Variants in FUT9 observed in about 807,000 individuals in gnomAD.
FUT9 encodes fucosyltransferase 9.
In FUT9, 15 loss-of-function variants were observed where a neutral mutation model predicts 29.7. The ratio of observed to expected loss-of-function variants is 0.51; its 90% confidence interval spans 0.34 to 0.78. FUT9 has a LOEUF of 0.78. FUT9 is among the 30% of genes least tolerant of loss of function. The pLI is 0.01. For synonymous variants in FUT9, 169 were observed against 153.7 expected (o/e 1.10, Z -0.74); for missense variants, 319 against 425.4 (o/e 0.75, Z 2.20).
Position 96,106,213 on chromosome 6 carries a change from C to CCCTT in FUT9, c.-97-7796_-97-7793dup, listed in dbSNP as rs58462407. The stretch of plus-strand genomic sequence containing the variant: ...AAGATAAATCATCACAATCCATCAA[C>CCCTT]CCTTCCTTCCTTCCTTCCTTCCTTC... On this transcript the variant is annotated intron_variant, in intron 1 of 2. Transcript: ENST00000302103. Among the ~76,000 whole-genome samples the CCCTT allele has an allele frequency of 3.2e-3, 444 of 137,246 alleles. 3 individuals carry two copies. Among genetic ancestry groups the CCCTT allele is most frequent in the African/African-American group, 9.9e-3 (376 of 37,894 alleles). The allele number at this position is 137,246 out of a possible 152,430, so 90.0% of individuals were successfully genotyped here. A position where few individuals can be genotyped will look rare whatever the true frequency, so the allele number is the denominator to read the frequency against.
At chr6:96,066,836 T>G (rs1770969120) in intron 1 of FUT9, among the ~76,000 whole-genome samples, 1 of 152,072 alleles carries the variant, frequency 6.6e-6, no homozygotes. Context: ...AGAGAAACTG[T>G]GTGTGGTATA....
At chr6:96,076,258 G>A (rs1261407009) in intron 1 of FUT9, among the ~76,000 whole-genome samples, 1 of 152,078 alleles carries the variant, frequency 6.6e-6, no homozygotes, top group Non-Finnish European at 1.5e-5. Flanking sequence ...GACTATTTTG[G>A]GCTGGGATAT....
chr6:96,179,493 A>G (rs776918555), intron 2 of FUT9, among the ~76,000 whole-genome samples: 1 of 152,118 alleles, frequency 6.6e-6, no homozygotes, highest in Non-Finnish European at 1.5e-5. Context: ...AAATCTTTCA[A>G]AGGTATTTAT....
At chr6:96,060,086 A>G (rs1214347723) in intron 1 of FUT9, among the ~76,000 whole-genome samples, 1 of 152,164 alleles carries the variant, frequency 6.6e-6, no homozygotes, top group Non-Finnish European at 1.5e-5. Context: ...TTATTTTGTG[A>G]AAGCTACACC....
chr6:96,134,218 A>T (rs758253901), intron 2 of FUT9, among the ~76,000 whole-genome samples: 4 of 151,920 alleles, frequency 2.6e-5, no homozygotes, highest in Admixed American at 1.3e-4. Flanking sequence ...ATTTAGATGT[A>T]TATGTTTCAA....
chr6:96,139,265 C>T (rs1337262418), intron 2 of FUT9, among the ~76,000 whole-genome samples: 1 of 152,126 alleles, frequency 6.6e-6, no homozygotes, highest in Non-Finnish European at 1.5e-5. Context: ...TTCGAAAGAC[C>T]TCCTTTGACT....
At chr6:96,155,474 C>T (rs1367160079) in intron 2 of FUT9, among the ~76,000 whole-genome samples, 1 of 151,954 alleles carries the variant, frequency 6.6e-6, no homozygotes, top group African/African-American at 2.4e-5. Context: ...GAGATCGAGA[C>T]TATCCTGGCT....
rs375939430 is a variant in FUT9, at chr6:96,206,767, GT to G, written c.*2540del. The G allele has an allele frequency of 3.0e-5, 5 of 166,532 alleles. No homozygotes were observed. Among genetic ancestry groups the G allele is most frequent in the South Asian group, 4.2e-4 (2 of 4,804 alleles). The allele number at this position is 166,532 out of a possible 1,614,324, so 10.3% of individuals were successfully genotyped here. A position where few individuals can be genotyped will look rare whatever the true frequency, so the allele number is the denominator to read the frequency against. ...ATGAGCCACTGTGTCTGGCCCACCT[GT>G]TTTTTTTGAAGGCAGAAAAACATTC... is the stretch of plus-strand genomic sequence containing the variant. On this transcript the variant is annotated 3_prime_UTR_variant, in exon 3 of 3. Transcript: ENST00000302103.
At chr6:96,110,576 C>T (rs1311434027) in intron 1 of FUT9, among the ~76,000 whole-genome samples, 2 of 152,134 alleles carry the variant, frequency 1.3e-5, no homozygotes, top group African/African-American at 2.4e-5. Context: ...GAAGAAAAAA[C>T]AAGAGCGGTG....
At chr6:96,113,967 G>A (rs1771864518) in intron 1 of FUT9, 72 bp from the exon 2 acceptor site, 1 of 151,090 alleles carries the variant, frequency 6.6e-6, no homozygotes, top group South Asian at 2.1e-4. Context: ...ATTTCTTTTG[G>A]TTATCTAGCT....
intron 1 of FUT9, among the ~76,000 whole-genome samples, chr6:96,019,707 C>A (rs1293471390): frequency 6.6e-6 from 1 of 152,020 alleles, no homozygotes; most frequent in Non-Finnish European, 1.5e-5. Flanking sequence ...TTACCTGTGA[C>A]TGATTGTGTA....
At chr6:96,018,515 C>T (rs575974591) in intron 1 of FUT9, among the ~76,000 whole-genome samples, 1 of 152,056 alleles carries the variant, frequency 6.6e-6, no homozygotes, top group East Asian at 1.9e-4. Context: ...GTAAGAAAGG[C>T]TAAACAGTTA....
intron 2 of FUT9, among the ~76,000 whole-genome samples, chr6:96,152,002 A>G (rs545211693): frequency 1.3e-5 from 2 of 152,330 alleles, no homozygotes; most frequent in Non-Finnish European, 2.9e-5. Flanking sequence ...ATCTATTCAC[A>G]GGTCCACCTG....
intron 1 of FUT9, among the ~76,000 whole-genome samples, chr6:96,077,562 C>T (rs1288867637): frequency 2.0e-5 from 3 of 152,112 alleles, no homozygotes; most frequent in Admixed American, 6.5e-5. Flanking sequence ...CCTGCTGGAG[C>T]TCTCCACCCT....
At chr6:96,183,056 TCTA>T (rs1441704981) in intron 2 of FUT9, among the ~76,000 whole-genome samples, 2 of 152,184 alleles carry the variant, frequency 1.3e-5, no homozygotes, top group African/African-American at 4.8e-5. Context: ...CAATATTGAT[TCTA>T]CCCATCCATG....
At chr6:96,182,019 G>A (rs965622046) in intron 2 of FUT9, among the ~76,000 whole-genome samples, 1 of 152,058 alleles carries the variant, frequency 6.6e-6, no homozygotes, top group Non-Finnish European at 1.5e-5. Context: ...TGCCATAGTG[G>A]TTGTACTAGT....
In FUT9 at chr6:96,209,074, T is replaced by C. The variant is rs1200987945; in HGVS notation, c.*4839T>C. 6.0e-6 allele frequency: 1 copy of C among 166,870 alleles called. No homozygotes were observed. Among genetic ancestry groups the C allele is most frequent in the African/African-American group, 2.4e-5 (1 of 41,430 alleles). The allele number at this position is 166,870 out of a possible 1,614,324, so 10.3% of individuals were successfully genotyped here. The stretch of plus-strand genomic sequence containing the variant: ...TAAATAAGATATAGCCGGCTAAATC[T>C]GGAATGTGAGTGCTACCCTAGGTTA... On this transcript the variant is annotated 3_prime_UTR_variant, in exon 3 of 3. Coordinates refer to ENST00000302103, the MANE Select transcript of FUT9 (RefSeq NM_006581.4).
chr6:96,161,752 A>G (rs1456948016), intron 2 of FUT9, among the ~76,000 whole-genome samples: 1 of 152,230 alleles, frequency 6.6e-6, no homozygotes, highest in Non-Finnish European at 1.5e-5. Flanking sequence ...ATCAGTACCT[A>G]TAACTTCTGC....
At chr6:96,112,663 C>T (rs754075098) in intron 1 of FUT9, among the ~76,000 whole-genome samples, 5 of 152,180 alleles carry the variant, frequency 3.3e-5, no homozygotes, top group East Asian at 1.9e-4. Context: ...TGTGTGTGTG[C>T]GCAAGCGTGT....
Sources: allele counts gnomAD v4.1 joint callset (sites outside exome capture counted in the v4.1 genomes callset), GRCh38; gene constraint gnomAD v4.1.1; transcripts MANE v1.5; gene names NCBI Gene and HGNC (gene_info 2026-07-23, HGNC 2026-07-21).